The following PIGF variants were observed in gnomAD, a reference collection of about 807,000 sequenced individuals.
PIGF encodes phosphatidylinositol glycan anchor biosynthesis class F.
In PIGF, 23 loss-of-function variants were observed where a neutral mutation model predicts 26.0. The observed-to-expected ratio is 0.88, with a 90% CI of 0.64 to 1.25. PIGF has a LOEUF of 1.25. PIGF is among the 50% of genes most tolerant of loss of function. PIGF has a pLI of 0.00. For missense variants in PIGF, 278 were observed against 249.9 expected, an observed-to-expected ratio of 1.11 and a Z score of -0.76; for synonymous variants, 93 against 92.6, an observed-to-expected ratio of 1.00 and a Z score of -0.03.
intron 2 of PIGF, 28 bp from the exon 3 acceptor site, chr2:46,613,813 T>C (rs773263163): frequency 3.3e-6 from 5 of 1,498,850 alleles, no homozygotes; most frequent in Non-Finnish European, 4.5e-6. Flanking sequence ...AACCTGAAGA[T>C]TCAAGATAAT....
intron 5 of PIGF, among the ~76,000 whole-genome samples, chr2:46,583,353 C>G (rs1297954739): frequency 6.6e-6 from 1 of 152,254 alleles, no homozygotes; most frequent in East Asian, 1.9e-4. Flanking sequence ...TCCAACGTCT[C>G]TCCCATTTAT....
chr2:46,614,873 T>C (rs1250917316), intron 2 of PIGF, 64 bp downstream of exon 2: 6 of 742,520 alleles, frequency 8.1e-6, no homozygotes, highest in African/African-American at 1.8e-5. Flanking sequence ...ATGAATACTT[T>C]ATTCTTCCAT....
At chr2:46,600,863 G>A (rs1468908018) in intron 4 of PIGF, among the ~76,000 whole-genome samples, 1 of 151,636 alleles carries the variant, frequency 6.6e-6, no homozygotes, top group Admixed American at 6.6e-5. Flanking sequence ...CACATTAGTG[G>A]GAAAAAAGTT....
chr2:46,596,339 T>C (rs1669884462), intron 4 of PIGF, among the ~76,000 whole-genome samples: 2 of 152,176 alleles, frequency 1.3e-5, no homozygotes, highest in African/African-American at 2.4e-5. Flanking sequence ...GGCCATCTTA[T>C]GTTTATTAAA....
chr2:46,600,311 C>T (rs1327679957), intron 4 of PIGF, among the ~76,000 whole-genome samples: 1 of 152,146 alleles, frequency 6.6e-6, no homozygotes, highest in African/African-American at 2.4e-5. Flanking sequence ...TTTAGTTTGA[C>T]AGTGTCTGTT....
chr2:46,593,455 C>G (rs1013842867), intron 4 of PIGF, among the ~76,000 whole-genome samples: 1 of 152,176 alleles, frequency 6.6e-6, no homozygotes, highest in African/African-American at 2.4e-5. Flanking sequence ...TTACAGCACA[C>G]TTCATTTATA....
chr2:46,598,900 GATGCTT>G (rs1400089512), intron 4 of PIGF, among the ~76,000 whole-genome samples: 1 of 152,136 alleles, frequency 6.6e-6, no homozygotes, highest in African/African-American at 2.4e-5. Flanking sequence ...CAGCTGACTG[GATGCTT>G]ATAATTCAAG....
At chr2:46,613,563 T>A in intron 3 of PIGF, 131 bp downstream of exon 3, 1 of 611,454 alleles carries the variant, frequency 1.6e-6, no homozygotes, top group Non-Finnish European at 2.8e-6. Flanking sequence ...ACACTGCTAA[T>A]GATGTTGGTG....
In PIGF at chr2:46,588,232, G is replaced by T; in HGVS notation, c.546+4243C>A. On this transcript the variant is annotated intron_variant, in intron 5 of 5. Transcript: ENST00000281382. The surrounding 1 kb of genome is among the most constrained non-coding windows in gnomAD (Gnocchi z 4.1). ...ATGTGAAATCCAAATACCCTAAATT[G>T]GCATAACTAAATACCAGAGAAATAG... 1.3e-6 allele frequency: 2 copies of T among 1,598,460 alleles called. No individual in the cohort carries two copies. The highest frequency in any genetic ancestry group is 2.2e-5 in the South Asian group (2 of 89,150).
chr2:46,599,211 T>C (rs1218892233), intron 4 of PIGF, among the ~76,000 whole-genome samples: 1 of 152,206 alleles, frequency 6.6e-6, no homozygotes, highest in Non-Finnish European at 1.5e-5. Context: ...TACAATTATA[T>C]TTTCTTCACT....
chr2:46,597,419 G>T (rs1448000861), intron 4 of PIGF, among the ~76,000 whole-genome samples: 3 of 144,868 alleles, frequency 2.1e-5, no homozygotes, highest in Admixed American at 6.9e-5. Context: ...GTTTTTTGTT[G>T]TTTTTTTTTT....
intron 5 of PIGF, among the ~76,000 whole-genome samples, chr2:46,583,305 G>C (rs1669463963): frequency 6.6e-6 from 1 of 152,106 alleles, no homozygotes; most frequent in Admixed American, 6.5e-5. Flanking sequence ...CTGGGATTTG[G>C]TTTCCTCATT....
chr2:46,600,671 C>A (rs1399973501), intron 4 of PIGF, among the ~76,000 whole-genome samples: 1 of 152,104 alleles, frequency 6.6e-6, no homozygotes, highest in Admixed American at 6.5e-5. Context: ...GTAAGAAGCA[C>A]AACCATACCA....
intron 5 of PIGF, chr2:46,591,397 T>A (rs1669718632): frequency 3.0e-6 from 1 of 334,584 alleles, no homozygotes; most frequent in Admixed American, 6.5e-5. Context: ...ACTTTCTTCC[T>A]TAGAATTACT....
At position 46,588,034 on chromosome 2, in the gene PIGF, C is replaced by A; in HGVS notation, c.546+4441G>T. 1 of 1,493,046 alleles carries A rather than the reference C, an allele frequency of 6.7e-7. No individual in the cohort carries two copies. The highest frequency in any genetic ancestry group is 8.9e-7 in the Non-Finnish European group (1 of 1,119,518). The allele number at this position is 1,493,046 out of a possible 1,614,324, so 92.5% of individuals were successfully genotyped here. A position where few individuals can be genotyped will look rare whatever the true frequency, so the allele number is the denominator to read the frequency against. On this transcript the variant is annotated intron_variant, in intron 5 of 5. Coordinates refer to ENST00000281382, the MANE Select transcript of PIGF (RefSeq NM_002643.4). This position sits in a 1 kb window ranked among gnomAD's most constrained non-coding sequence, Gnocchi z 4.1. ...CAAGATGTGTACTCCTCCCCTCTCA[C>A]ACTTGGACTTTCTAGTGTATAAAAT...
chr2:46,588,237 A>G lies in PIGF; in HGVS notation c.546+4238T>C. The G allele has an allele frequency of 6.3e-7, 1 of 1,597,572 alleles. No homozygotes were observed. The highest frequency in any genetic ancestry group is 8.5e-7 in the Non-Finnish European group (1 of 1,173,394). ...AAATCCAAATACCCTAAATTGGCATAACTAAATACCAGAGAAATAGATAAA... is the reference window on the plus strand; with the variant it reads ...AAATCCAAATACCCTAAATTGGCATGACTAAATACCAGAGAAATAGATAAA... On this transcript the variant is annotated intron_variant, in intron 5 of 5. Coordinates refer to ENST00000281382, the MANE Select transcript of PIGF (RefSeq NM_002643.4). This position sits in a 1 kb window ranked among gnomAD's most constrained non-coding sequence, Gnocchi z 4.1.
chr2:46,613,144 C>A (rs988090187), intron 3 of PIGF, among the ~76,000 whole-genome samples: 14 of 151,932 alleles, frequency 9.2e-5, no homozygotes, highest in African/African-American at 2.9e-4. Context: ...TCATTAATCA[C>A]TGCTAAACTG....
intron 3 of PIGF, among the ~76,000 whole-genome samples, chr2:46,612,940 G>T (rs1670472956): frequency 6.6e-6 from 1 of 151,988 alleles, no homozygotes; most frequent in Non-Finnish European, 1.5e-5. Context: ...GCTTTAAAAT[G>T]GATTAGACAG....
chr2:46,602,787 C>A (rs762015544), intron 4 of PIGF, among the ~76,000 whole-genome samples: 7 of 151,816 alleles, frequency 4.6e-5, no homozygotes, highest in Non-Finnish European at 1.0e-4. Context: ...ATGTACTATT[C>A]ATGTATTTTG....
Sources: allele counts gnomAD v4.1 joint callset (sites outside exome capture counted in the v4.1 genomes callset), GRCh38; gene constraint gnomAD v4.1.1; non-coding constraint Gnocchi (gnomAD v3.1); transcripts MANE v1.5; gene names NCBI Gene and HGNC (gene_info 2026-07-23, HGNC 2026-07-21).